The following PITPNB variants were observed in gnomAD, a reference collection of about 807,000 sequenced individuals.
The protein encoded by PITPNB is phosphatidylinositol transfer protein beta.
Under a neutral mutation model 45.9 loss-of-function variants are expected in PITPNB, and 16 were observed. The ratio of observed to expected loss-of-function variants is 0.35; its 90% CI spans 0.24 to 0.53. PITPNB has a LOEUF of 0.53. PITPNB is among the 20% of genes least tolerant of loss of function. PITPNB has a pLI of 0.93. For synonymous variants in PITPNB, 112 were observed against 108.9 expected (o/e 1.03, Z -0.18); for missense variants, 188 against 330.5 (o/e 0.57, Z 3.34).
chr22:27,897,694 C>G (rs1396349971), intron 4 of PITPNB, 107 bp downstream of exon 4: 21 of 770,992 alleles, frequency 2.7e-5, no homozygotes, highest in Non-Finnish European at 4.6e-5. Context: ...ATCCAAGAAC[C>G]CAAGGAAGAC....
intron 3 of PITPNB, among the ~76,000 whole-genome samples, chr22:27,907,589 T>C (rs951318838): frequency 6.6e-6 from 1 of 152,134 alleles, no homozygotes; most frequent in African/African-American, 2.4e-5. Context: ...CCTTTTTCCC[T>C]TTCCTGTCTC....
At chr22:27,897,767 G>A in intron 4 of PITPNB, 34 bp downstream of exon 4, 2 of 1,322,658 alleles carry the variant, frequency 1.5e-6, no homozygotes, top group Non-Finnish European at 2.2e-6. Context: ...TCTCAGGGTG[G>A]AGGGGTGCAA....
At chr22:27,918,430 C>G (rs899990066) in intron 1 of PITPNB, among the ~76,000 whole-genome samples, 1 of 152,194 alleles carries the variant, frequency 6.6e-6, no homozygotes, top group African/African-American at 2.4e-5. Context: ...GTTTACAGTC[C>G]TTGCCAGTAG....
chr22:27,865,083 T>C (rs532492052), intron 8 of PITPNB, among the ~76,000 whole-genome samples: 1 of 152,260 alleles, frequency 6.6e-6, no homozygotes, highest in South Asian at 2.1e-4. Context: ...TCAGAAAATA[T>C]ACCAAATAAT....
At chr22:27,875,337 G>GA (rs1378468800) in intron 7 of PITPNB, among the ~76,000 whole-genome samples, 3 of 152,264 alleles carry the variant, frequency 2.0e-5, no homozygotes, top group Non-Finnish European at 4.4e-5. Flanking sequence ...GACAAACTGG[G>GA]ATGGACAGTC....
At chr22:27,913,471 T>C (rs1176827107) in intron 2 of PITPNB, among the ~76,000 whole-genome samples, 1 of 152,234 alleles carries the variant, frequency 6.6e-6, no homozygotes, top group African/African-American at 2.4e-5. Flanking sequence ...TTGCTATATA[T>C]ATCTTGATTT....
chr22:27,917,980 C>A (rs947916819), intron 1 of PITPNB, among the ~76,000 whole-genome samples: 1 of 152,076 alleles, frequency 6.6e-6, no homozygotes, highest in African/African-American at 2.4e-5. Context: ...AAGAACACTT[C>A]AAGCAAAGGG....
chr22:27,861,740 A>C (rs559778675), intron 8 of PITPNB, among the ~76,000 whole-genome samples: 1 of 152,330 alleles, frequency 6.6e-6, no homozygotes, highest in East Asian at 1.9e-4. Flanking sequence ...GTGTGCTTAC[A>C]AGATGATTAA....
chr22:27,885,957 C>T (rs1247232946), intron 7 of PITPNB, among the ~76,000 whole-genome samples: 1 of 152,168 alleles, frequency 6.6e-6, no homozygotes, highest in Non-Finnish European at 1.5e-5. Context: ...ATCCTGACCG[C>T]CAAGAGGCAT....
intron 8 of PITPNB, among the ~76,000 whole-genome samples, chr22:27,863,117 G>A (rs1237479568): frequency 1.3e-5 from 2 of 152,090 alleles, no homozygotes; most frequent in East Asian, 3.9e-4. Context: ...ATACAACTTG[G>A]GTATATGTAG....
At position 27,870,338 on chromosome 22, in the gene PITPNB, A is replaced by G. The variant is rs138750832; in HGVS notation, c.534+3400T>C. ...GTCAGTCTGGTGCAGACAGGAAGTA[A>G]ATACTGCAATAATTCAGAGGGAAAA... On this transcript the variant is annotated intron_variant, in intron 8 of 11. Transcript: ENST00000335272. Among the ~76,000 whole-genome samples, 216 of 152,348 alleles carry G rather than the reference A, an allele frequency of 1.4e-3. No homozygotes were observed. In the East Asian group the frequency reaches 0.038, roughly 27 times the overall value.
chr22:27,887,750 C>T (rs1042802046), intron 7 of PITPNB, among the ~76,000 whole-genome samples: 10 of 152,050 alleles, frequency 6.6e-5, no homozygotes, highest in Admixed American at 2.0e-4. Flanking sequence ...CTAAAGTAAA[C>T]CCCTCCCTGC....
chr22:27,858,693 C>CA (rs759517861), intron 9 of PITPNB, among the ~76,000 whole-genome samples, 184 bp from the exon 10 acceptor site: 97 of 150,504 alleles, frequency 6.4e-4, no homozygotes, highest in Admixed American at 9.9e-4. Context: ...ATTAAACAAA[C>CA]AAAAAAAAAC....
At chr22:27,885,670 TG>T (rs1935103566) in intron 7 of PITPNB, among the ~76,000 whole-genome samples, 1 of 152,182 alleles carries the variant, frequency 6.6e-6, no homozygotes, top group African/African-American at 2.4e-5. Flanking sequence ...CCACTGTGTC[TG>T]GCCAAAATTT....
chr22:27,896,518 A>G (rs372452519), intron 6 of PITPNB, 34 bp downstream of exon 6: 7 of 1,387,342 alleles, frequency 5.0e-6, no homozygotes, highest in Admixed American at 1.7e-5. Flanking sequence ...GTTTCCAGGG[A>G]CTTTTGTACT....
chr22:27,870,128 G>T (rs550055459), intron 8 of PITPNB, among the ~76,000 whole-genome samples: 1 of 152,128 alleles, frequency 6.6e-6, no homozygotes, highest in Admixed American at 6.6e-5. Context: ...AACTACCACC[G>T]AATCAGGTGT....
At position 27,855,386 on chromosome 22, in the gene PITPNB, A is replaced by G. The variant is rs1007724308; in HGVS notation, c.769-447T>C. On this transcript the variant is annotated intron_variant, in intron 10 of 11. Coordinates refer to ENST00000335272, the MANE Select transcript of PITPNB (RefSeq NM_012399.5). Reference sequence around the variant, plus strand: ...TAAAGGAAGTTTACTGAAAGGAGGGAGAATGAAAGGGAGAAAAGGCAAGGA... The same window carrying G: ...TAAAGGAAGTTTACTGAAAGGAGGGGGAATGAAAGGGAGAAAAGGCAAGGA... Among the ~76,000 whole-genome samples, 1,030 of 152,120 alleles carry G rather than the reference A, an allele frequency of 6.8e-3. 7 individuals are homozygous for G. The highest frequency in any genetic ancestry group is 0.023 in the African/African-American group (937 of 41,504).
chr22:27,873,596 G>A, intron 8 of PITPNB, 142 bp downstream of exon 8: 1 of 605,120 alleles, frequency 1.7e-6, no homozygotes, highest in Non-Finnish European at 3.0e-6. Flanking sequence ...ACTGCAACTG[G>A]CTGTAAGTCC....
At chr22:27,873,712 C>G (rs1934737045) in intron 8 of PITPNB, 26 bp downstream of exon 8, 1 of 1,433,262 alleles carries the variant, frequency 7.0e-7, no homozygotes. Flanking sequence ...AAGACTCTGC[C>G]TGTCAGAAAG....
Sources: allele counts gnomAD v4.1 joint callset (sites outside exome capture counted in the v4.1 genomes callset), GRCh38; gene constraint gnomAD v4.1.1; transcripts MANE v1.5; gene names NCBI Gene and HGNC (gene_info 2026-07-23, HGNC 2026-07-21).